The following KCNJ6 variants were observed in gnomAD, a reference collection of about 807,000 sequenced individuals.
KCNJ6 encodes the protein G protein-activated inward rectifier potassium channel 2.
Under a neutral mutation model 34.2 loss-of-function variants are expected in KCNJ6, and 9 were observed. The observed-to-expected ratio is 0.26, with a 90% CI of 0.16 to 0.46. The LOEUF is 0.46. KCNJ6 is among the 20% of genes least tolerant of loss of function. KCNJ6 has a pLI of 1.00. For missense variants in KCNJ6, 236 were observed against 531.3 expected, an observed-to-expected ratio of 0.44 and a Z score of 5.46; for synonymous variants, 196 against 207.1, an observed-to-expected ratio of 0.95 and a Z score of 0.46.
intron 2 of KCNJ6, among the ~76,000 whole-genome samples, chr21:37,834,103 G>A (rs1470787620): frequency 6.6e-6 from 1 of 152,164 alleles, no homozygotes; most frequent in African/African-American, 2.4e-5. Flanking sequence ...CCAGCTCCTG[G>A]ATTCTTTCAT....
chr21:37,849,189 A>ACCTC (rs2055525268), intron 1 of KCNJ6, among the ~76,000 whole-genome samples: 1 of 152,158 alleles, frequency 6.6e-6, no homozygotes, highest in Admixed American at 6.5e-5. Flanking sequence ...TGCTTCCAAG[A>ACCTC]TGCACCTATT....
intron 3 of KCNJ6, among the ~76,000 whole-genome samples, chr21:37,658,504 T>C (rs182657600): frequency 1.3e-3 from 193 of 152,264 alleles, no homozygotes; most frequent in African/African-American, 4.3e-3. Flanking sequence ...TTGTGATAGA[T>C]TTAGAAAGCC....
chr21:37,790,432 C>T (rs116940350), intron 2 of KCNJ6, among the ~76,000 whole-genome samples: 8 of 152,262 alleles, frequency 5.3e-5, no homozygotes, highest in African/African-American at 1.7e-4. Context: ...GCAGCAATAC[C>T]GAATACTTCC....
chr21:37,877,681 T>C (rs920534513), intron 1 of KCNJ6, among the ~76,000 whole-genome samples: 1 of 152,112 alleles, frequency 6.6e-6, no homozygotes, highest in East Asian at 1.9e-4. Flanking sequence ...GCTCAACGTG[T>C]ATTTCCCCAC....
At chr21:37,754,540 G>A (rs191567739) in intron 2 of KCNJ6, among the ~76,000 whole-genome samples, 104 of 152,238 alleles carry the variant, frequency 6.8e-4, no homozygotes, top group African/African-American at 2.3e-3. Flanking sequence ...AAGAAGAAAC[G>A]TACTGTGTCT....
chr21:37,914,054 T>C (rs987944242), intron 1 of KCNJ6, among the ~76,000 whole-genome samples: 10 of 150,898 alleles, frequency 6.6e-5, no homozygotes, highest in Non-Finnish European at 1.5e-4. Flanking sequence ...TGTGTGTCTG[T>C]GCGCGCGCGC....
rs1313277258 is a variant in KCNJ6, at chr21:37,616,269, T to C, written c.*8890A>G. ...GACAGTGGGAAAGGAAAGAGCACTT[T>C]GCCAACACAGGCAGACACTTGGGGA... On this transcript the variant is annotated 3_prime_UTR_variant, in exon 4 of 4. Coordinates refer to ENST00000609713, the MANE Select transcript of KCNJ6 (RefSeq NM_002240.5). 2.6e-5 allele frequency: 4 copies of C among 152,178 alleles called. No homozygotes were observed. The highest frequency in any genetic ancestry group is 9.7e-5 in the African/African-American group (4 of 41,440). 9.4% of individuals were successfully genotyped at this position (152,178 alleles called of 1,614,324 possible).
At chr21:37,911,836 T>C (rs1391140404) in intron 1 of KCNJ6, among the ~76,000 whole-genome samples, 1 of 152,214 alleles carries the variant, frequency 6.6e-6, no homozygotes, top group Non-Finnish European at 1.5e-5. Flanking sequence ...AGCAACATTT[T>C]CTACCTGTGA....
At chr21:37,696,128 T>C (rs746927227) in intron 3 of KCNJ6, among the ~76,000 whole-genome samples, 16 of 152,212 alleles carry the variant, frequency 1.1e-4, no homozygotes, top group Non-Finnish European at 2.4e-4. Context: ...GAAAGAACCA[T>C]GCATTCAGAG....
chr21:37,847,515 A>G (rs1423334807), intron 1 of KCNJ6, among the ~76,000 whole-genome samples: 1 of 152,240 alleles, frequency 6.6e-6, no homozygotes, highest in African/African-American at 2.4e-5. Flanking sequence ...TCCTTCTTCA[A>G]TCATCCGATG....
At chr21:37,643,185 A>G (rs116825060) in intron 3 of KCNJ6, among the ~76,000 whole-genome samples, 276 of 152,294 alleles carry the variant, frequency 1.8e-3, no homozygotes, top group African/African-American at 6.5e-3. Flanking sequence ...TGTTAAAGGC[A>G]GGTATTGTGC....
At chr21:37,720,296 C>T (rs972493379) in intron 2 of KCNJ6, among the ~76,000 whole-genome samples, 2 of 152,106 alleles carry the variant, frequency 1.3e-5, no homozygotes, top group African/African-American at 4.8e-5. Context: ...CTGAAGGTAT[C>T]CCATCCCATA....
intron 2 of KCNJ6, among the ~76,000 whole-genome samples, 196 bp downstream of exon 2, chr21:37,840,462 T>C (rs1601496045): frequency 6.6e-6 from 1 of 152,184 alleles, no homozygotes; most frequent in Non-Finnish European, 1.5e-5. Context: ...AGCAAAGAAT[T>C]TGACCTCAAG....
rs1231594301 is a variant in KCNJ6, at chr21:37,608,045, A to AT, written c.*17113dup. The AT allele has an allele frequency of 2.0e-5, 3 of 152,172 alleles. No homozygotes were observed. The highest frequency in any genetic ancestry group is 4.4e-5 in the Non-Finnish European group (3 of 68,026). 9.4% of individuals were successfully genotyped at this position (152,172 alleles called of 1,614,324 possible). ...CTTTTGGTTTTGTCCAGTGAAAATT[A>AT]TTTTTTAATTCAATACTAAAGACTT... On this transcript the variant is annotated 3_prime_UTR_variant, in exon 4 of 4. Coordinates refer to ENST00000609713, the MANE Select transcript of KCNJ6 (RefSeq NM_002240.5).
intron 3 of KCNJ6, among the ~76,000 whole-genome samples, chr21:37,628,763 G>A (rs553336926): frequency 7.2e-5 from 11 of 152,160 alleles, no homozygotes; most frequent in South Asian, 2.1e-4. Context: ...GAAACATGAC[G>A]ATGAAGGTAG....
intron 2 of KCNJ6, among the ~76,000 whole-genome samples, chr21:37,817,195 C>T (rs528083325): frequency 5.9e-5 from 9 of 152,250 alleles, no homozygotes; most frequent in African/African-American, 1.9e-4. Context: ...AGAATCACGG[C>T]GAGGTGCTAC....
chr21:37,751,534 T>G (rs938483696), intron 2 of KCNJ6, among the ~76,000 whole-genome samples: 1 of 152,210 alleles, frequency 6.6e-6, no homozygotes, highest in Admixed American at 6.5e-5. Context: ...TTTAGAGGAA[T>G]GTACTTGCTG....
chr21:37,754,655 G>A (rs2055014757), intron 2 of KCNJ6, among the ~76,000 whole-genome samples: 2 of 152,230 alleles, frequency 1.3e-5, no homozygotes, highest in Admixed American at 6.5e-5. Context: ...CAACGCTAAT[G>A]AGCGTGAAAG....
intron 2 of KCNJ6, among the ~76,000 whole-genome samples, chr21:37,746,754 A>G (rs2054969474): frequency 6.6e-6 from 1 of 152,210 alleles, no homozygotes; most frequent in African/African-American, 2.4e-5. Flanking sequence ...TCTTGAATAA[A>G]TGAATAGGTA....
Sources: gnomAD v4.1 joint callset for allele counts (sites outside exome capture counted in the v4.1 genomes callset) on GRCh38, gnomAD v4.1.1 for gene constraint, MANE v1.5 for transcripts, NCBI Gene and HGNC (gene_info 2026-07-23, HGNC 2026-07-21) for gene names.